YWHAE: variants seen among roughly 807,000 people sequenced by gnomAD.
YWHAE encodes the protein tyrosine 3-monooxygenase/tryptophan 5-monooxygenase activation protein epsilon.
A neutral mutation model predicts 30.1 loss-of-function variants in YWHAE; 4 were observed. The observed-to-expected ratio is 0.13, with a 90% CI of 0.07 to 0.30. The LOEUF is 0.30. Ranked by LOEUF, YWHAE falls within the 10% of genes least tolerant of loss-of-function variation. YWHAE has a pLI of 1.00. For missense variants in YWHAE, 121 were observed against 315.9 expected (o/e 0.38, Z 4.68); for synonymous variants, 118 against 111.8 (o/e 1.06, Z -0.35).
rs563572315 is a variant in YWHAE, at chr17:1,344,695, G to A, written c.*752C>T. On this transcript the variant is annotated 3_prime_UTR_variant, in exon 6 of 6. Coordinates refer to ENST00000264335, the MANE Select transcript of YWHAE (RefSeq NM_006761.5). The stretch of plus-strand genomic sequence containing the variant: ...TTACACATACTGAACAAAAGAGGTT[G>A]AGCGAGCGAAGGAGGGGAGGAGTGA... 2 of 232,206 alleles carry A rather than the reference G, an allele frequency of 8.6e-6. No homozygotes were observed. Among genetic ancestry groups the A allele is most frequent in the South Asian group, 3.6e-4 (2 of 5,494 alleles). The allele number at this position is 232,206 out of a possible 1,614,324, so 14.4% of individuals were successfully genotyped here. A position where few individuals can be genotyped will look rare whatever the true frequency, so the allele number is the denominator to read the frequency against.
intron 1 of YWHAE, among the ~76,000 whole-genome samples, chr17:1,387,883 C>T (rs2073322843): frequency 1.3e-5 from 2 of 150,734 alleles, no homozygotes; most frequent in East Asian, 2.0e-4. Flanking sequence ...TTCTTGGCCT[C>T]CCAAAGTGCT....
At chr17:1,347,857 G>T in intron 5 of YWHAE, 1 of 671,408 alleles carries the variant, frequency 1.5e-6, no homozygotes, top group Non-Finnish European at 1.9e-6. Flanking sequence ...GCCCTGGAAG[G>T]TGGAACAGGC....
At chr17:1,395,211 G>C (rs1364577690) in intron 1 of YWHAE, among the ~76,000 whole-genome samples, 1 of 151,886 alleles carries the variant, frequency 6.6e-6, no homozygotes, top group Non-Finnish European at 1.5e-5. Flanking sequence ...TGGCAAACAT[G>C]GTAAAACCCT....
chr17:1,371,336 C>G (rs940088998), intron 1 of YWHAE, among the ~76,000 whole-genome samples: 1 of 152,110 alleles, frequency 6.6e-6, no homozygotes, highest in African/African-American at 2.4e-5. Context: ...CCACCCATCT[C>G]GGCCTCCCAA....
At chr17:1,358,569 G>A (rs1470253867) in intron 4 of YWHAE, among the ~76,000 whole-genome samples, 2 of 151,540 alleles carry the variant, frequency 1.3e-5, no homozygotes, top group African/African-American at 2.4e-5. Flanking sequence ...GCCGGGCGCA[G>A]TGGCTCATGC....
chr17:1,354,103 G>C, intron 5 of YWHAE, 108 bp downstream of exon 5: 2 of 1,389,140 alleles, frequency 1.4e-6, no homozygotes, highest in Non-Finnish European at 1.9e-6. Context: ...GGCAGGCGGT[G>C]AATCTAAATT....
intron 1 of YWHAE, among the ~76,000 whole-genome samples, chr17:1,391,472 T>C (rs2073388716): frequency 1.3e-5 from 2 of 152,198 alleles, no homozygotes; most frequent in Admixed American, 1.3e-4. Context: ...TTATGCCTGC[T>C]GTTGTAGCTG....
At chr17:1,392,536 T>C (rs2073403688) in intron 1 of YWHAE, among the ~76,000 whole-genome samples, 1 of 152,122 alleles carries the variant, frequency 6.6e-6, no homozygotes, top group Non-Finnish European at 1.5e-5. Context: ...ATGCCAACCT[T>C]TGTCCCTCCT....
intron 5 of YWHAE, among the ~76,000 whole-genome samples, chr17:1,348,615 G>A (rs539503639): frequency 6.6e-6 from 1 of 152,320 alleles, no homozygotes; most frequent in East Asian, 1.9e-4. Context: ...GTGAGATGAA[G>A]TTTTATCTTG....
At chr17:1,361,410 G>GT in intron 3 of YWHAE, 112 bp from the exon 4 acceptor site, 1 of 798,932 alleles carries the variant, frequency 1.3e-6, no homozygotes, top group East Asian at 2.9e-5. Flanking sequence ...AAAAATATAT[G>GT]TAACAATTAG....
chr17:1,367,108 C>T (rs1415818799), intron 1 of YWHAE, among the ~76,000 whole-genome samples: 1 of 152,140 alleles, frequency 6.6e-6, no homozygotes, highest in Non-Finnish European at 1.5e-5. Flanking sequence ...TTTTAATAAA[C>T]ATGTACCATA....
At chr17:1,351,334 C>G (rs1322228672) in intron 5 of YWHAE, among the ~76,000 whole-genome samples, 2 of 151,512 alleles carry the variant, frequency 1.3e-5, no homozygotes, top group African/African-American at 2.4e-5. Flanking sequence ...GCTGAGAGAG[C>G]ACCACTGCAC....
intron 5 of YWHAE, among the ~76,000 whole-genome samples, chr17:1,351,858 G>C (rs779260516): frequency 2.0e-5 from 3 of 152,038 alleles, no homozygotes; most frequent in Non-Finnish European, 4.4e-5. Context: ...CGTGATCTCA[G>C]CTCACTGCAA....
chr17:1,400,185 T>C lies in YWHAE; in HGVS notation c.-75A>G. ...GTCTCCGACTCTCTCAGCCTCTCGC[T>C]CCGCGTCCGGGCAGCAAAAATGGCG... On this transcript the variant is annotated 5_prime_UTR_variant, in exon 1 of 6. Transcript: ENST00000264335. 1.9e-6 allele frequency: 3 copies of C among 1,577,830 alleles called. No individual in the cohort carries two copies. Among genetic ancestry groups the C allele is most frequent in the Non-Finnish European group, 8.7e-7 (1 of 1,149,218 alleles).
rs543626274 is a variant in YWHAE, at chr17:1,352,727, G to T, written c.715+1484C>A. On this transcript the variant is annotated intron_variant, in intron 5 of 5. Transcript: ENST00000264335. ...TACTTAGTAGGGACGGGGTTTCCCC[G>T]TGTTAGCCAGGATGGTCTCGATCTC... is the stretch of plus-strand genomic sequence containing the variant. Among the ~76,000 whole-genome samples the T allele has an allele frequency of 3.3e-4, 50 of 152,146 alleles. 1 individual carries two copies. Among genetic ancestry groups the T allele is most frequent in the South Asian group, 2.7e-3 (13 of 4,824 alleles).
At chr17:1,350,305 G>A (rs1465986163) in intron 5 of YWHAE, among the ~76,000 whole-genome samples, 1 of 152,130 alleles carries the variant, frequency 6.6e-6, no homozygotes, top group Non-Finnish European at 1.5e-5. Context: ...CGACAACCAA[G>A]AATAAGGATT....
intron 1 of YWHAE, among the ~76,000 whole-genome samples, chr17:1,373,328 C>T (rs1056952971): frequency 1.3e-5 from 2 of 151,892 alleles, no homozygotes; most frequent in Non-Finnish European, 2.9e-5. Flanking sequence ...ACAATAGTAA[C>T]GTCAAAGATT....
Position 1,379,574 on chromosome 17 carries a change from A to G in YWHAE, c.65-14516T>C, listed in dbSNP as rs2073174303. Reference sequence around the variant, plus strand: ...TAATTCTAATAGTAAATAACATGGAAAGAATCTAAGAATGTAACAAAATGT... The same window carrying G: ...TAATTCTAATAGTAAATAACATGGAGAGAATCTAAGAATGTAACAAAATGT... On this transcript the variant is annotated intron_variant, in intron 1 of 5. Transcript: ENST00000264335. 4.6e-5 allele frequency among the ~76,000 whole-genome samples: 7 copies of G among 152,362 alleles called. No individual in the cohort carries two copies. In the South Asian group the frequency reaches 1.4e-3, roughly 32 times the overall value.
intron 4 of YWHAE, among the ~76,000 whole-genome samples, chr17:1,359,938 G>GGGGGGGGGGGGGAGAA (rs2072834155): frequency 1.8e-5 from 1 of 55,980 alleles, no homozygotes; most frequent in Admixed American, 2.2e-4. Context: ...GGGGGGAGGA[G>GGGGGGGGGGGGGAGAA]GGGGAGGGGG....
Sources: allele counts gnomAD v4.1 joint callset (sites outside exome capture counted in the v4.1 genomes callset), GRCh38; gene constraint gnomAD v4.1.1; transcripts MANE v1.5; gene names NCBI Gene and HGNC (gene_info 2026-07-23, HGNC 2026-07-21).